The following PPP1R16B variants were observed in gnomAD, a reference collection of about 807,000 sequenced individuals.
The protein encoded by PPP1R16B is protein phosphatase 1 regulatory inhibitor subunit 16B.
In PPP1R16B, 14 loss-of-function variants were observed where a neutral mutation model predicts 61.7. The ratio of observed to expected loss-of-function variants is 0.23; its 90% confidence interval spans 0.15 to 0.35. The LOEUF is 0.35. Among genes scored for constraint, PPP1R16B ranks in the 10% least tolerant of loss-of-function variants. PPP1R16B has a pLI of 1.00. For missense variants in PPP1R16B, 547 were observed against 752.5 expected (o/e 0.73, Z 3.19); for synonymous variants, 266 against 305.3 (o/e 0.87, Z 1.34).
rs3055461 is a variant in PPP1R16B, at chr20:38,821,982, A to AATAT, written c.-101-13834_-101-13831dup. Reference sequence around the variant, plus strand: ...GAGACTCTGAATTCTATTCCTCAGAAATATATATATATTAATATATATAAT... The same window carrying AATAT: ...GAGACTCTGAATTCTATTCCTCAGAAATATATATATATATATTAATATATATAAT... On this transcript the variant is annotated intron_variant, in intron 1 of 10. Transcript: ENST00000299824. Among the ~76,000 whole-genome samples, 3,706 of 144,250 alleles carry AATAT rather than the reference A, an allele frequency of 0.026. 362 individuals carry two copies. In the East Asian group the frequency reaches 0.28, roughly 11 times the overall value. 94.6% of individuals were successfully genotyped at this position (144,250 alleles called of 152,430 possible).
chr20:38,809,218 C>T (rs1042381281), intron 1 of PPP1R16B, among the ~76,000 whole-genome samples: 11 of 139,878 alleles, frequency 7.9e-5, no homozygotes, highest in African/African-American at 2.1e-4. Context: ...GCCATCAGGA[C>T]GGGGAAAGCC....
chr20:38,809,213 C>T (rs1277335462), intron 1 of PPP1R16B, among the ~76,000 whole-genome samples: 2 of 149,360 alleles, frequency 1.3e-5, no homozygotes, highest in Admixed American at 6.7e-5. Flanking sequence ...CTGTAGCCAT[C>T]AGGACGGGGA....
intron 1 of PPP1R16B, among the ~76,000 whole-genome samples, chr20:38,807,339 A>G (rs2084669298): frequency 6.6e-6 from 1 of 152,190 alleles, no homozygotes; most frequent in Non-Finnish European, 1.5e-5. Flanking sequence ...AACAGCCGCC[A>G]GGCTGTGGGG....
chr20:38,813,830 T>C (rs1164577830), intron 1 of PPP1R16B, among the ~76,000 whole-genome samples: 6 of 151,018 alleles, frequency 4.0e-5, no homozygotes, highest in Admixed American at 3.3e-4. Context: ...ACAGTCTCAC[T>C]CTGTCGTCCA....
Position 38,918,930 on chromosome 20 carries a change from G to A in PPP1R16B, c.*264G>A. On this transcript the variant is annotated 3_prime_UTR_variant, in exon 11 of 11. Coordinates refer to ENST00000299824, the MANE Select transcript of PPP1R16B (RefSeq NM_015568.4). The surrounding 1 kb of genome is among the most constrained non-coding windows in gnomAD (Gnocchi z 5.3). Reference sequence around the variant, plus strand: ...TTCACTCTGCTGTCTGATCTTGGGAGGGTGGGCTTGAGATCCCAGCTCTAT... The same window carrying A: ...TTCACTCTGCTGTCTGATCTTGGGAAGGTGGGCTTGAGATCCCAGCTCTAT... 4.9e-6 allele frequency: 2 copies of A among 407,448 alleles called. No homozygotes were observed. Among genetic ancestry groups the A allele is most frequent in the Non-Finnish European group, 4.3e-6 (1 of 230,478 alleles). 25.2% of individuals were successfully genotyped at this position (407,448 alleles called of 1,614,324 possible). A position where few individuals can be genotyped will look rare whatever the true frequency, so the allele number is the denominator to read the frequency against.
intron 6 of PPP1R16B, among the ~76,000 whole-genome samples, chr20:38,905,185 C>T (rs2085429865): frequency 6.6e-6 from 1 of 152,154 alleles, no homozygotes; most frequent in Non-Finnish European, 1.5e-5. Context: ...TTCTTTGGGT[C>T]AGAGAGTTAG....
At chr20:38,912,716 C>G (rs1032020509) in intron 10 of PPP1R16B, among the ~76,000 whole-genome samples, 1 of 151,924 alleles carries the variant, frequency 6.6e-6, no homozygotes, top group African/African-American at 2.4e-5. Context: ...TTCTCAGGAC[C>G]CACTCCAGAT....
intron 4 of PPP1R16B, among the ~76,000 whole-genome samples, 157 bp downstream of exon 4, chr20:38,895,867 CCTCCCTCCTTCCTTCTTTCT>C (rs2085334403): frequency 8.4e-6 from 1 of 119,486 alleles, no homozygotes; most frequent in African/African-American, 3.4e-5. Flanking sequence ...TTCTTCCCTC[CCTCCCTCCTTCCTTCTTTCT>C]TCCCTCCCTC....
intron 2 of PPP1R16B, among the ~76,000 whole-genome samples, chr20:38,852,047 G>A (rs556514209): frequency 6.6e-6 from 1 of 152,076 alleles, no homozygotes; most frequent in South Asian, 2.1e-4. Context: ...GGGGACGGCG[G>A]GGGGGGAAGG....
At chr20:38,812,383 C>T (rs758744237) in intron 1 of PPP1R16B, among the ~76,000 whole-genome samples, 13 of 152,208 alleles carry the variant, frequency 8.5e-5, no homozygotes, top group Non-Finnish European at 1.9e-4. Flanking sequence ...GAAGGAAACC[C>T]ACTGAATGGC....
chr20:38,873,603 C>T (rs975853812), intron 2 of PPP1R16B, among the ~76,000 whole-genome samples: 1 of 152,094 alleles, frequency 6.6e-6, no homozygotes, highest in Non-Finnish European at 1.5e-5. Context: ...TCTAAGATGG[C>T]GCTCACACGC....
intron 2 of PPP1R16B, among the ~76,000 whole-genome samples, chr20:38,878,130 G>A (rs1165713271): frequency 6.6e-6 from 1 of 151,940 alleles, no homozygotes; most frequent in East Asian, 1.9e-4. Flanking sequence ...TGAATACTGT[G>A]TTGATTTGCA....
Position 38,859,502 on chromosome 20 carries a change from TTTA to T in PPP1R16B, c.250+23330_250+23332del, listed in dbSNP as rs1227620544. ...CAAGCCACATATGTAACTGTATTTA[TTTA>T]TTTAGAGCCAGGTTCTTGCTCTGTT... On this transcript the variant is annotated intron_variant, in intron 2 of 10. Transcript: ENST00000299824. Among the ~76,000 whole-genome samples, 3 of 152,324 alleles carry T rather than the reference TTTA, an allele frequency of 2.0e-5. No homozygotes were observed. In the East Asian group the frequency reaches 5.8e-4, roughly 29 times the overall value.
chr20:38,834,570 G>T (rs2084857313), intron 1 of PPP1R16B, among the ~76,000 whole-genome samples: 1 of 152,064 alleles, frequency 6.6e-6, no homozygotes, highest in Admixed American at 6.6e-5. Flanking sequence ...CTTTAACTAA[G>T]ATTTTCTATG....
At chr20:38,867,684 T>TC (rs1214825158) in intron 2 of PPP1R16B, among the ~76,000 whole-genome samples, 2 of 151,562 alleles carry the variant, frequency 1.3e-5, no homozygotes, top group Non-Finnish European at 2.9e-5. Flanking sequence ...TTCTTTTTTT[T>TC]CCCCCCGAGA....
At chr20:38,909,180 C>G (rs2085469644) in intron 10 of PPP1R16B, among the ~76,000 whole-genome samples, 1 of 151,890 alleles carries the variant, frequency 6.6e-6, no homozygotes, top group Non-Finnish European at 1.5e-5. Flanking sequence ...TTTCAAATTT[C>G]TTGTAGAGAT....
At chr20:38,808,550 C>T (rs750444938) in intron 1 of PPP1R16B, among the ~76,000 whole-genome samples, 1 of 152,120 alleles carries the variant, frequency 6.6e-6, no homozygotes, top group African/African-American at 2.4e-5. Context: ...CAGAAAGCTA[C>T]GAGTATGAAG....
At chr20:38,875,896 T>C (rs2085162342) in intron 2 of PPP1R16B, among the ~76,000 whole-genome samples, 1 of 151,846 alleles carries the variant, frequency 6.6e-6, no homozygotes, top group African/African-American at 2.4e-5. Context: ...CTTGGACTTA[T>C]ATTTGTTTCT....
chr20:38,895,451 C>A, intron 3 of PPP1R16B, 114 bp from the exon 4 acceptor site: 2 of 1,249,622 alleles, frequency 1.6e-6, no homozygotes. Context: ...TGGATTCAAA[C>A]AGGCCTTCCA....
Sources: gnomAD v4.1 joint callset for allele counts (sites outside exome capture counted in the v4.1 genomes callset) on GRCh38, gnomAD v4.1.1 for gene constraint, Gnocchi (gnomAD v3.1) non-coding constraint, MANE v1.5 for transcripts, NCBI Gene and HGNC (gene_info 2026-07-23, HGNC 2026-07-21) for gene names.